ZFP91: variants seen among roughly 807,000 people sequenced by gnomAD.
ZFP91 encodes ZFP91 zinc finger protein, atypical E3 ubiquitin ligase.
A neutral mutation model predicts 63.5 loss-of-function variants in ZFP91; 7 were observed. The ratio of observed to expected loss-of-function variants is 0.11; its 90% CI spans 0.06 to 0.21. The LOEUF (loss-of-function observed/expected upper bound fraction) is 0.21. Ranked by LOEUF, ZFP91 falls within the 10% of genes least tolerant of loss-of-function variation. The probability of loss-of-function intolerance (pLI) is 1.00; values close to 1 mark genes in which losing one functional copy is unlikely to be tolerated. For missense variants in ZFP91, 628 were observed against 736.6 expected, an observed-to-expected ratio of 0.85 and a Z score of 1.71; for synonymous variants, 330 against 272.1, an observed-to-expected ratio of 1.21 and a Z score of -2.10.
At chr11:58,597,971 A>T (rs1489731879) in intron 2 of ZFP91, among the ~76,000 whole-genome samples, 1 of 152,106 alleles carries the variant, frequency 6.6e-6, no homozygotes, top group Admixed American at 6.6e-5. Flanking sequence ...ATAGTGAAAA[A>T]TGAGTTAACT....
intron 1 of ZFP91, among the ~76,000 whole-genome samples, chr11:58,580,489 G>A (rs578131828): frequency 1.4e-5 from 2 of 148,050 alleles, no homozygotes; most frequent in African/African-American, 4.9e-5. Context: ...TTCAATTCAT[G>A]ACTGAAAACA....
intron 2 of ZFP91, among the ~76,000 whole-genome samples, chr11:58,605,345 A>G (rs903192013): frequency 6.6e-6 from 1 of 152,230 alleles, no homozygotes; most frequent in East Asian, 1.9e-4. Context: ...CAAAAGTACA[A>G]TATCATATTT....
intron 1 of ZFP91, 29 bp from the exon 2 acceptor site, chr11:58,584,827 C>T (rs760285516): frequency 9.8e-6 from 15 of 1,529,006 alleles, no homozygotes; most frequent in South Asian, 1.3e-5. Flanking sequence ...CTAGATTGTT[C>T]ATTAATGTTT....
Position 58,579,095 on chromosome 11 carries a change from G to A in ZFP91, c.-187G>A, listed in dbSNP as rs1855026135. 2.4e-6 allele frequency: 1 copy of A among 420,632 alleles called. No individual in the cohort carries two copies. The allele number at this position is 420,632 out of a possible 1,614,324, so 26.1% of individuals were successfully genotyped here. On this transcript the variant is annotated 5_prime_UTR_variant, in exon 1 of 11. Coordinates refer to ENST00000316059, the MANE Select transcript of ZFP91 (RefSeq NM_053023.5). ...GCGCGCGCGCGCCGCCAGCGGTAGCGGACCTTGAGTGGCAGGGGGTGGGGG... is the reference window on the plus strand; with the variant it reads ...GCGCGCGCGCGCCGCCAGCGGTAGCAGACCTTGAGTGGCAGGGGGTGGGGG...
intron 2 of ZFP91, among the ~76,000 whole-genome samples, chr11:58,605,315 G>C (rs1474451549): frequency 6.6e-6 from 1 of 152,164 alleles, no homozygotes; most frequent in Admixed American, 6.5e-5. Context: ...ATCATGTAGG[G>C]AGAAAAAGGA....
chr11:58,592,337 T>G (rs1482592423), intron 2 of ZFP91, among the ~76,000 whole-genome samples: 1 of 152,102 alleles, frequency 6.6e-6, no homozygotes, highest in African/African-American at 2.4e-5. Context: ...TCTCCCTGCC[T>G]CAGCCTCCCA....
chr11:58,587,675 T>A (rs771064412), intron 2 of ZFP91, among the ~76,000 whole-genome samples: 57 of 152,250 alleles, frequency 3.7e-4, no homozygotes, highest in Non-Finnish European at 6.3e-4. Flanking sequence ...GTACTTTGAT[T>A]ATAAAGTAAA....
At position 58,609,886 on chromosome 11, in the gene ZFP91, A is replaced by T. The variant is rs927455752; in HGVS notation, c.427A>T (p.Ile143Phe). The part of the protein sequence containing the change: ...DDSALPQEVS[I>F]AASRPSRGWR... ...TTCTGCCCTCCCTCAGGAAGTTTCC[A>T]TTGCTGCATCTAGACCTAGCCGGGG... The change falls in exon 3 of 11, where the codon ATT (isoleucine) becomes TTT (phenylalanine). Residue 143 changes from isoleucine to phenylalanine, a missense_variant. By Grantham distance (21) the Ile-to-Phe change is conservative. Around this residue, in one of 3 missense-constraint regions of ZFP91, gnomAD observed 437 missense variants for 380.3 expected, o/e 1.15. Transcript: ENST00000316059. The T allele has an allele frequency of 1.9e-5, 30 of 1,614,092 alleles. No homozygotes were observed. Among genetic ancestry groups the T allele is most frequent in the Non-Finnish European group, 2.5e-5 (30 of 1,180,048 alleles).
Position 58,579,215 on chromosome 11 carries a change from C to T in ZFP91, c.-67C>T. 6 of 1,293,250 alleles carry T rather than the reference C, an allele frequency of 4.6e-6. No homozygotes were observed. Among genetic ancestry groups the T allele is most frequent in the Non-Finnish European group, 6.0e-6 (6 of 1,004,384 alleles). The allele number at this position is 1,293,250 out of a possible 1,614,324, so 80.1% of individuals were successfully genotyped here. A position where few individuals can be genotyped will look rare whatever the true frequency, so the allele number is the denominator to read the frequency against. Reference sequence around the variant, plus strand: ...TCGGGAGGCGAGGGGGCGGGGGGAGCAGCGCCGAGGCCGCCGCCTCCGCCT... The same window carrying T: ...TCGGGAGGCGAGGGGGCGGGGGGAGTAGCGCCGAGGCCGCCGCCTCCGCCT... On this transcript the variant is annotated 5_prime_UTR_variant, in exon 1 of 11. Transcript: ENST00000316059.
chr11:58,611,146 G>A, intron 5 of ZFP91, 92 bp downstream of exon 5: 1 of 1,093,908 alleles, frequency 9.1e-7, no homozygotes, highest in South Asian at 1.5e-5. Context: ...CCAAGCTAAT[G>A]GGTATAGAAT....
At chr11:58,615,584 A>G (rs954097629) in intron 9 of ZFP91, among the ~76,000 whole-genome samples, 9 of 152,290 alleles carry the variant, frequency 5.9e-5, no homozygotes, top group African/African-American at 7.2e-5. Flanking sequence ...TTGTCCTGCT[A>G]TGGAACTGGA....
intron 2 of ZFP91, among the ~76,000 whole-genome samples, chr11:58,606,942 T>G (rs369607562): frequency 6.6e-6 from 1 of 150,522 alleles, no homozygotes; most frequent in South Asian, 2.1e-4. Flanking sequence ...GACAGAGTGG[T>G]TTTTTTTTAA....
At position 58,619,115 on chromosome 11, in the gene ZFP91, A is replaced by C. The variant is rs893637218; in HGVS notation, c.*1409A>C. ...CAAAGTCTATGAGTCCTAAAATTTT[A>C]AGTCAAAGAAAACTGCTCTGTTTCC... is the stretch of plus-strand genomic sequence containing the variant. On this transcript the variant is annotated 3_prime_UTR_variant, in exon 11 of 11. Coordinates refer to ENST00000316059, the MANE Select transcript of ZFP91 (RefSeq NM_053023.5). The C allele has an allele frequency of 6.5e-6, 1 of 153,794 alleles. No homozygotes were observed. The highest frequency in any genetic ancestry group is 2.4e-5 in the African/African-American group (1 of 41,462). The allele number at this position is 153,794 out of a possible 1,614,324, so 9.5% of individuals were successfully genotyped here.
intron 2 of ZFP91, among the ~76,000 whole-genome samples, chr11:58,591,743 T>C (rs1317848055): frequency 6.6e-6 from 1 of 152,128 alleles, no homozygotes; most frequent in Non-Finnish European, 1.5e-5. Flanking sequence ...GTAGGAAGCA[T>C]TATGCAGGCA....
chr11:58,579,706 G>C (rs1855065877), intron 1 of ZFP91, 84 bp downstream of exon 1: 1 of 1,291,846 alleles, frequency 7.7e-7, no homozygotes, highest in Non-Finnish European at 1.0e-6. Flanking sequence ...CCTACTCCAC[G>C]TGACATCCTG....
rs1480556329 is a variant in ZFP91 at position 58,596,400 on chromosome 11, C to T, written c.370+11516C>T. Among the ~76,000 whole-genome samples the T allele has an allele frequency of 2.0e-5, 3 of 152,124 alleles. No individual in the cohort carries two copies. In the East Asian group the frequency reaches 5.8e-4, roughly 29 times the overall value. On this transcript the variant is annotated intron_variant, in intron 2 of 10. Coordinates refer to ENST00000316059, the MANE Select transcript of ZFP91 (RefSeq NM_053023.5). The stretch of plus-strand genomic sequence containing the variant: ...TTTCGTTTCTCTACAAATGTTTCTA[C>T]ACTTTAACCATTTGCTTTAGTTTCA...
At chr11:58,614,846 G>A (rs1043861115) in intron 9 of ZFP91, among the ~76,000 whole-genome samples, 8 of 152,142 alleles carry the variant, frequency 5.3e-5, no homozygotes, top group Admixed American at 6.5e-5. Context: ...GTTGCTGAGT[G>A]TCTGCAATAT....
chr11:58,582,467 A>G (rs1480171184), intron 1 of ZFP91, among the ~76,000 whole-genome samples: 3 of 152,220 alleles, frequency 2.0e-5, no homozygotes, highest in Non-Finnish European at 2.9e-5. Context: ...CCCTGTATAC[A>G]ATCTTAGTAA....
chr11:58,582,654 C>T (rs761863411), intron 1 of ZFP91, among the ~76,000 whole-genome samples: 1 of 152,214 alleles, frequency 6.6e-6, no homozygotes, highest in Non-Finnish European at 1.5e-5. Context: ...TATGTTCCAG[C>T]TTTGTACTGT....
Sources: gnomAD v4.1 joint callset for allele counts (sites outside exome capture counted in the v4.1 genomes callset) on GRCh38, gnomAD v4.1.1 for gene constraint, gnomAD v4.1.1 regional missense constraint, MANE v1.5 for transcripts, NCBI Gene and HGNC (gene_info 2026-07-23, HGNC 2026-07-21) for gene names.